The following DBT variants were observed in gnomAD, a reference collection of about 807,000 sequenced individuals.
The protein encoded by DBT is lipoamide acyltransferase component of branched-chain alpha-keto acid dehydrogenase complex, mitochondrial.
A neutral mutation model predicts 51.3 loss-of-function variants in DBT; 40 were observed. The ratio of observed to expected loss-of-function variants is 0.78; its 90% CI spans 0.61 to 1.02. The LOEUF is 1.02. DBT is among the 50% of genes least tolerant of loss of function. DBT has a pLI of 0.00. For synonymous variants in DBT, 181 were observed against 190.4 expected (o/e 0.95, Z 0.41); for missense variants, 510 against 580.2 (o/e 0.88, Z 1.24).
Position 100,215,926 on chromosome 1 carries a change from A to G in DBT, c.772+57T>C. The stretch of plus-strand genomic sequence containing the variant: ...ATTATATACATTTATCTACTGAGGT[A>G]GCTTCCCCCAAAATAAATGAACTAT... On this transcript the variant is annotated intron_variant, in intron 6 of 10. Transcript: ENST00000370132. The G allele has an allele frequency of 7.9e-6, 8 of 1,017,136 alleles. 1 individual carries two copies. The highest frequency in any genetic ancestry group is 6.3e-5 in the South Asian group (5 of 79,032). The allele number at this position is 1,017,136 out of a possible 1,614,324, so 63.0% of individuals were successfully genotyped here.
At chr1:100,226,297 T>C (rs2100818857) in intron 4 of DBT, among the ~76,000 whole-genome samples, 1 of 149,860 alleles carries the variant, frequency 6.7e-6, no homozygotes, top group South Asian at 2.1e-4. Context: ...TTTTTTTTTT[T>C]TTTTTTGAGA....
At position 100,214,987 on chromosome 1, in the gene DBT, A is replaced by G. The variant is rs1662397029; in HGVS notation, c.773-4T>C. On this transcript the variant is annotated splice_region_variant and splice_polypyrimidine_tract_variant and intron_variant, in intron 6 of 10. Transcript: ENST00000370132. ...TTGACCATTGCTTTTTGAAAGCCTG[A>G]AAAGCATTAAATTGTTATTCATTTA... The G allele has an allele frequency of 1.9e-6, 3 of 1,601,580 alleles. No individual in the cohort carries two copies. Among genetic ancestry groups the G allele is most frequent in the East Asian group, 4.5e-5 (2 of 44,808 alleles).
At chr1:100,235,729 G>A (rs1663825442) in intron 2 of DBT, among the ~76,000 whole-genome samples, 1 of 152,112 alleles carries the variant, frequency 6.6e-6, no homozygotes, top group African/African-American at 2.4e-5. Context: ...TACTGGCACT[G>A]CCACAGAACT....
intron 4 of DBT, among the ~76,000 whole-genome samples, chr1:100,223,997 G>C (rs904343268): frequency 6.6e-6 from 1 of 152,018 alleles, no homozygotes; most frequent in Non-Finnish European, 1.5e-5. Context: ...AGGACTTGGA[G>C]GTCACAAATA....
At chr1:100,235,953 G>A (rs980009235) in intron 2 of DBT, among the ~76,000 whole-genome samples, 6 of 152,060 alleles carry the variant, frequency 3.9e-5, no homozygotes, top group Admixed American at 2.0e-4. Context: ...CATTCTTAAT[G>A]GCTAAAAATC....
At chr1:100,241,008 T>C in intron 1 of DBT, 124 bp from the exon 2 acceptor site, 1 of 994,104 alleles carries the variant, frequency 1.0e-6, no homozygotes, top group Non-Finnish European at 1.5e-6. Flanking sequence ...AAATATTATA[T>C]CCTTAGATTT....
At position 100,248,854 on chromosome 1, in the gene DBT, T is replaced by A. The variant is rs577277062; in HGVS notation, c.51+916A>T. ...CCCCAAGTCCACCATAGGTGTCCAC[T>A]CCTGTGTGTTCCTGTAGTTCTAGGC... is the stretch of plus-strand genomic sequence containing the variant. On this transcript the variant is annotated intron_variant, in intron 1 of 10. Coordinates refer to ENST00000370132, the MANE Select transcript of DBT (RefSeq NM_001918.5). Among the ~76,000 whole-genome samples the A allele has an allele frequency of 2.6e-5, 4 of 152,324 alleles. No homozygotes were observed. The South Asian group carries it at 8.3e-4, about 32-fold the overall frequency.
At chr1:100,198,290 C>T (rs1661223899) in intron 10 of DBT, among the ~76,000 whole-genome samples, 1 of 152,128 alleles carries the variant, frequency 6.6e-6, no homozygotes, top group Admixed American at 6.5e-5. Flanking sequence ...TAGAATAGTC[C>T]AATTAATTCA....
chr1:100,214,806 A>G lies in DBT; in HGVS notation c.939+11T>C, dbSNP rs750308108. ...CCTACTCAAGCCTTGTTTGAAATGA[A>G]TGAATCTCACCTTTAAGAAGAAAGG... On this transcript the variant is annotated intron_variant, in intron 7 of 10. Transcript: ENST00000370132. The G allele has an allele frequency of 6.2e-7, 1 of 1,613,510 alleles. No homozygotes were observed. The highest frequency in any genetic ancestry group is 8.5e-7 in the Non-Finnish European group (1 of 1,179,440).
Position 100,223,595 on chromosome 1 carries a change from T to C in DBT, c.434-4848A>G, listed in dbSNP as rs548214733. On this transcript the variant is annotated intron_variant, in intron 4 of 10. Transcript: ENST00000370132. ...GATCCTCCCACCTCAGCCTCCTGCATAGCTGGGACTACAGGTGTGCTCCAC... is the reference window on the plus strand; with the variant it reads ...GATCCTCCCACCTCAGCCTCCTGCACAGCTGGGACTACAGGTGTGCTCCAC... 2.0e-5 allele frequency among the ~76,000 whole-genome samples: 3 copies of C among 152,276 alleles called. No individual in the cohort carries two copies. In the South Asian group the frequency reaches 6.2e-4, roughly 32 times the overall value.
At chr1:100,202,001 C>T (rs1008787012) in intron 10 of DBT, among the ~76,000 whole-genome samples, 1 of 152,170 alleles carries the variant, frequency 6.6e-6, no homozygotes, top group African/African-American at 2.4e-5. Flanking sequence ...CATCAACTAA[C>T]AGGCAAAATA....
At chr1:100,235,705 T>C (rs576633428) in intron 2 of DBT, among the ~76,000 whole-genome samples, 194 bp from the exon 3 acceptor site, 1 of 152,312 alleles carries the variant, frequency 6.6e-6, no homozygotes, top group South Asian at 2.1e-4. Context: ...ATAAATTATT[T>C]TACAACACAG....
intron 3 of DBT, 102 bp from the exon 4 acceptor site, chr1:100,231,016 C>G: frequency 1.3e-6 from 1 of 754,774 alleles, no homozygotes; most frequent in South Asian, 1.5e-5. Context: ...ATTCATCTAG[C>G]CCAGCATTTA....
intron 8 of DBT, among the ~76,000 whole-genome samples, chr1:100,209,717 A>G (rs1336648588): frequency 2.0e-5 from 3 of 152,022 alleles, no homozygotes; most frequent in African/African-American, 4.8e-5. Context: ...GCTGGCCACC[A>G]CGGCTGGCTA....
At chr1:100,231,441 C>A (rs1177053744) in intron 3 of DBT, among the ~76,000 whole-genome samples, 1 of 152,174 alleles carries the variant, frequency 6.6e-6, no homozygotes, top group African/African-American at 2.4e-5. Flanking sequence ...GTATACTTTA[C>A]AGGCTTTTCT....
At chr1:100,240,119 TA>T (rs1412831849) in intron 2 of DBT, among the ~76,000 whole-genome samples, 1 of 152,172 alleles carries the variant, frequency 6.6e-6, no homozygotes, top group Non-Finnish European at 1.5e-5. Context: ...GGGGAAAAAG[TA>T]AGTAAATGGT....
At chr1:100,210,853 G>A in intron 7 of DBT, 82 bp from the exon 8 acceptor site, 4 of 1,587,280 alleles carry the variant, frequency 2.5e-6, no homozygotes, top group Middle Eastern at 1.9e-4. Flanking sequence ...AGGTATAAAA[G>A]GAGGGAGAGA....
Position 100,206,246 on chromosome 1 carries a change from GCCC to G in DBT, c.1262_1264del (p.Gly421del). 1 of 1,611,338 alleles carries G rather than the reference GCCC, an allele frequency of 6.2e-7. No individual in the cohort carries two copies. Among genetic ancestry groups the G allele is most frequent in the Non-Finnish European group, 8.5e-7 (1 of 1,178,418 alleles). On this transcript the variant is annotated inframe_deletion, in exon 10 of 11. Coordinates refer to ENST00000370132, the MANE Select transcript of DBT (RefSeq NM_001918.5). ...TACATGTACCTTAATTGATCCAAGGGCCCCAATGGCTACTTCAGGTGGCATTAT... is the reference window on the plus strand; with the variant it reads ...TACATGTACCTTAATTGATCCAAGGGCAATGGCTACTTCAGGTGGCATTAT...
In DBT at chr1:100,189,855, T is replaced by C. The variant is rs1480833835; in HGVS notation, c.*6400A>G. The stretch of plus-strand genomic sequence containing the variant: ...TGTGTCTTATTAGTTAAGGCAGCAC[T>C]ATCCAATAGAATTTTCTGTGATGAT... On this transcript the variant is annotated 3_prime_UTR_variant, in exon 11 of 11. Coordinates refer to ENST00000370132, the MANE Select transcript of DBT (RefSeq NM_001918.5). The C allele has an allele frequency of 6.6e-6, 1 of 152,216 alleles. No homozygotes were observed. The highest frequency in any genetic ancestry group is 1.5e-5 in the Non-Finnish European group (1 of 68,042). 9.4% of individuals were successfully genotyped at this position (152,216 alleles called of 1,614,324 possible). A position where few individuals can be genotyped will look rare whatever the true frequency, so the allele number is the denominator to read the frequency against.
Sources: gnomAD v4.1 joint callset for allele counts (sites outside exome capture counted in the v4.1 genomes callset) on GRCh38, gnomAD v4.1.1 for gene constraint, MANE v1.5 for transcripts, NCBI Gene and HGNC (gene_info 2026-07-23, HGNC 2026-07-21) for gene names.